Variants in RNF180 observed in about 807,000 individuals in gnomAD.
The protein encoded by RNF180 is E3 ubiquitin-protein ligase RNF180.
In RNF180, 38 loss-of-function variants were observed where a neutral mutation model predicts 59.2. That is an observed-to-expected ratio of 0.64 (90% CI 0.50 to 0.84). The LOEUF (loss-of-function observed/expected upper bound fraction) is 0.84, where lower values mean the gene tolerates loss of function less well. RNF180 is among the 40% of genes least tolerant of loss of function. The pLI is 0.00. For missense variants in RNF180, 705 were observed against 700.9 expected, an observed-to-expected ratio of 1.01 and a Z score of -0.07; for synonymous variants, 262 against 240.3, an observed-to-expected ratio of 1.09 and a Z score of -0.84.
At chr5:64,279,636 T>A (rs1186470277) in intron 5 of RNF180, among the ~76,000 whole-genome samples, 2 of 152,174 alleles carry the variant, frequency 1.3e-5, no homozygotes, top group Admixed American at 6.6e-5. Flanking sequence ...TGTCTTTTAT[T>A]TTTTCTACTT....
chr5:64,192,958 C>T (rs1425101587), intron 1 of RNF180, among the ~76,000 whole-genome samples: 1 of 120,454 alleles, frequency 8.3e-6, no homozygotes, highest in Non-Finnish European at 1.7e-5. Context: ...CATTCAGCAT[C>T]GAAAAAGAAG....
intron 5 of RNF180, among the ~76,000 whole-genome samples, chr5:64,243,781 G>A (rs563546935): frequency 3.3e-5 from 5 of 152,126 alleles, no homozygotes; most frequent in African/African-American, 4.8e-5. Context: ...CCTGACCCCC[G>A]AGTCTCCTGA....
At chr5:64,315,340 A>G (rs1290884628) in intron 5 of RNF180, among the ~76,000 whole-genome samples, 1 of 152,174 alleles carries the variant, frequency 6.6e-6, no homozygotes, top group Admixed American at 6.6e-5. Context: ...TTTTTGTGAA[A>G]ATGTCTACCA....
At position 64,208,927 on chromosome 5, in the gene RNF180, A is replaced by G. The variant is rs188893732; in HGVS notation, c.136-3138A>G. Among the ~76,000 whole-genome samples the G allele has an allele frequency of 5.9e-5, 9 of 152,138 alleles. 1 individual carries two copies. Among genetic ancestry groups the G allele is most frequent in the African/African-American group, 2.2e-4 (9 of 41,564 alleles). ...ATCAGCTGTGGAATTTTTTCTAAAC[A>G]TACCTCTCCCTACATAAATTTATTT... On this transcript the variant is annotated intron_variant, in intron 2 of 7. Transcript: ENST00000389100.
At chr5:64,240,212 A>G (rs540714722) in intron 5 of RNF180, among the ~76,000 whole-genome samples, 1 of 152,182 alleles carries the variant, frequency 6.6e-6, no homozygotes, top group African/African-American at 2.4e-5. Flanking sequence ...AAATGTTCTC[A>G]TAGTATATTA....
At chr5:64,348,171 GTT>G (rs1489360488) in intron 7 of RNF180, among the ~76,000 whole-genome samples, 2 of 151,774 alleles carry the variant, frequency 1.3e-5, no homozygotes. Flanking sequence ...GTTCTATTAG[GTT>G]TTTCTTCAAT....
intron 7 of RNF180, among the ~76,000 whole-genome samples, chr5:64,346,801 A>G (rs1005246448): frequency 6.6e-6 from 1 of 152,284 alleles, no homozygotes; most frequent in Non-Finnish European, 1.5e-5. Context: ...CCAGATGATA[A>G]CTATGTGCAT....
At chr5:64,214,627 C>G (rs1752519276) in intron 4 of RNF180, 110 bp downstream of exon 4, 4 of 904,174 alleles carry the variant, frequency 4.4e-6, no homozygotes, top group Non-Finnish European at 5.0e-6. Flanking sequence ...TTTAGTAATT[C>G]TGGAAATGCT....
chr5:64,292,463 CT>C (rs1327297085), intron 5 of RNF180, among the ~76,000 whole-genome samples: 1 of 152,156 alleles, frequency 6.6e-6, no homozygotes, highest in Non-Finnish European at 1.5e-5. Context: ...TCAGTGAAGG[CT>C]GCAAAACAGC....
In RNF180 at chr5:64,254,128, C is replaced by T. The variant is rs565363732; in HGVS notation, c.1227+36732C>T. 1.8e-3 allele frequency among the ~76,000 whole-genome samples: 272 copies of T among 152,186 alleles called. 1 individual carries two copies. Among genetic ancestry groups the T allele is most frequent in the Non-Finnish European group, 3.5e-3 (241 of 67,994 alleles). On this transcript the variant is annotated intron_variant, in intron 5 of 7. Coordinates refer to ENST00000389100, the MANE Select transcript of RNF180 (RefSeq NM_001113561.2). ...ATTATTTAAAAATTCTATTCATTCA[C>T]ATAAAAGGTTGAAAAATCAAGATTA...
Position 64,197,382 on chromosome 5 carries a change from G to A in RNF180, c.1-3426G>A, listed in dbSNP as rs548141408. Among the ~76,000 whole-genome samples the A allele has an allele frequency of 5.3e-5, 8 of 152,210 alleles. No homozygotes were observed. In the East Asian group the frequency reaches 1.2e-3, roughly 22 times the overall value. ...TCTGTGAGACCTTTTCAAAGAATGC[G>A]GTCAAAACTGTTTTCTTGGTAATAT... is the stretch of plus-strand genomic sequence containing the variant. On this transcript the variant is annotated intron_variant, in intron 1 of 7. Coordinates refer to ENST00000389100, the MANE Select transcript of RNF180 (RefSeq NM_001113561.2).
chr5:64,283,193 A>C (rs1479338520), intron 5 of RNF180, among the ~76,000 whole-genome samples: 1 of 152,208 alleles, frequency 6.6e-6, no homozygotes, highest in Non-Finnish European at 1.5e-5. Flanking sequence ...TATTGGGTGC[A>C]TGTGTATTTA....
chr5:64,366,678 C>A (rs192879789), intron 7 of RNF180, among the ~76,000 whole-genome samples: 27 of 151,092 alleles, frequency 1.8e-4, no homozygotes, highest in Admixed American at 1.5e-3. Flanking sequence ...CCCAGTCAGA[C>A]AAAAATAAAG....
chr5:64,305,960 C>CA (rs1269467966), intron 5 of RNF180, among the ~76,000 whole-genome samples: 1 of 151,594 alleles, frequency 6.6e-6, no homozygotes, highest in Non-Finnish European at 1.5e-5. Flanking sequence ...TGCTTCCACT[C>CA]ACGTTCCTTT....
intron 1 of RNF180, among the ~76,000 whole-genome samples, chr5:64,193,514 T>G (rs1254577346): frequency 6.6e-6 from 1 of 152,100 alleles, no homozygotes; most frequent in Non-Finnish European, 1.5e-5. Context: ...AATCACAAAG[T>G]TATCTGTTTT....
At chr5:64,265,059 C>T (rs1238926553) in intron 5 of RNF180, among the ~76,000 whole-genome samples, 1 of 152,108 alleles carries the variant, frequency 6.6e-6, no homozygotes, top group East Asian at 1.9e-4. Flanking sequence ...CCTTCGCATA[C>T]TTTTTGATGA....
At chr5:64,258,275 G>C (rs565067187) in intron 5 of RNF180, among the ~76,000 whole-genome samples, 9 of 152,218 alleles carry the variant, frequency 5.9e-5, no homozygotes, top group African/African-American at 2.2e-4. Context: ...GCCTTACAAG[G>C]AAATTTAAAA....
chr5:64,252,326 T>C (rs915373162), intron 5 of RNF180, among the ~76,000 whole-genome samples: 6 of 152,118 alleles, frequency 3.9e-5, no homozygotes, highest in South Asian at 2.1e-4. Flanking sequence ...GGTCAAAGGA[T>C]ACAAAATTTC....
At chr5:64,320,410 TC>T (rs1434367157) in intron 5 of RNF180, among the ~76,000 whole-genome samples, 1 of 152,128 alleles carries the variant, frequency 6.6e-6, no homozygotes, top group African/African-American at 2.4e-5. Context: ...AGTCCTTCAC[TC>T]CCTAGGAAAA....
Sources: gnomAD v4.1 joint callset for allele counts (sites outside exome capture counted in the v4.1 genomes callset) on GRCh38, gnomAD v4.1.1 for gene constraint, MANE v1.5 for transcripts, NCBI Gene and HGNC (gene_info 2026-07-23, HGNC 2026-07-21) for gene names.